Variants in KLHL42 observed in about 807,000 individuals in gnomAD.
KLHL42 encodes kelch like family member 42.
In KLHL42, 27 loss-of-function variants were observed where a neutral mutation model predicts 32.7. That is an observed-to-expected ratio of 0.83 (90% CI 0.61 to 1.14). KLHL42 has a LOEUF of 1.14. Among genes scored for constraint, KLHL42 ranks in the 50% most tolerant of loss-of-function variants. The pLI is 0.00. For synonymous variants in KLHL42, 267 were observed against 248.2 expected, an observed-to-expected ratio of 1.08 and a Z score of -0.71; for missense variants, 491 against 560.8, an observed-to-expected ratio of 0.88 and a Z score of 1.26.
chr12:27,783,246 G>A (rs560785570), intron 1 of KLHL42, among the ~76,000 whole-genome samples: 1 of 152,074 alleles, frequency 6.6e-6, no homozygotes, highest in South Asian at 2.1e-4. Context: ...TCATCTTGAC[G>A]CTGAGTAGGC....
At chr12:27,794,262 G>T (rs1422328764) in intron 2 of KLHL42, among the ~76,000 whole-genome samples, 1 of 152,148 alleles carries the variant, frequency 6.6e-6, no homozygotes, top group African/African-American at 2.4e-5. Context: ...GGGCTCTAGG[G>T]GAGGAGTCCT....
intron 1 of KLHL42, among the ~76,000 whole-genome samples, chr12:27,783,819 C>T (rs1315008975): frequency 6.6e-6 from 1 of 152,080 alleles, no homozygotes; most frequent in Admixed American, 6.5e-5. Context: ...CTCCTGACCT[C>T]GTGATCCGCC....
chr12:27,794,679 A>G (rs1009831375), intron 2 of KLHL42, among the ~76,000 whole-genome samples: 1 of 152,080 alleles, frequency 6.6e-6, no homozygotes, highest in African/African-American at 2.4e-5. Context: ...TTTGAATAAA[A>G]TCACCATTCA....
chr12:27,796,998 A>G (rs891885053), intron 2 of KLHL42, among the ~76,000 whole-genome samples: 3 of 152,232 alleles, frequency 2.0e-5, no homozygotes, highest in East Asian at 1.9e-4. Context: ...GATCTTATCT[A>G]CGCTACAACT....
Position 27,800,484 on chromosome 12 carries a change from T to C in KLHL42, c.*2318T>C. The C allele has an allele frequency of 1.8e-6, 1 of 554,422 alleles. No individual in the cohort carries two copies. Among genetic ancestry groups the C allele is most frequent in the Non-Finnish European group, 2.3e-6 (1 of 436,228 alleles). The allele number at this position is 554,422 out of a possible 1,614,324, so 34.3% of individuals were successfully genotyped here. On this transcript the variant is annotated 3_prime_UTR_variant, in exon 3 of 3. Coordinates refer to ENST00000381271, the MANE Select transcript of KLHL42 (RefSeq NM_020782.2). ...GGAATGTGCAATAGGAACAGATCTG[T>C]GCATTTTGTGACATCGTCCTTCCTG...
At position 27,780,234 on chromosome 12, in the gene KLHL42, T is replaced by A. The variant is rs2062138925; in HGVS notation, c.-97T>A. 8.3e-7 allele frequency: 1 copy of A among 1,198,354 alleles called. No individual in the cohort carries two copies. The highest frequency in any genetic ancestry group is 1.6e-5 in the African/African-American group (1 of 61,750). The allele number at this position is 1,198,354 out of a possible 1,614,324, so 74.2% of individuals were successfully genotyped here. A position where few individuals can be genotyped will look rare whatever the true frequency, so the allele number is the denominator to read the frequency against. On this transcript the variant is annotated 5_prime_UTR_variant, in exon 1 of 3. Transcript: ENST00000381271. This position sits in a 1 kb window ranked among gnomAD's most constrained non-coding sequence, Gnocchi z 8.8. Reference sequence around the variant, plus strand: ...CCTCGCCGCTCCTCCCGGGCCGCCATCCCTCGGCGCCCCGCCCGGAACCGG... The same window carrying A: ...CCTCGCCGCTCCTCCCGGGCCGCCAACCCTCGGCGCCCCGCCCGGAACCGG...
intron 1 of KLHL42, among the ~76,000 whole-genome samples, chr12:27,783,637 A>C (rs898404544): frequency 1.3e-5 from 2 of 152,000 alleles, no homozygotes; most frequent in African/African-American, 4.8e-5. Flanking sequence ...GCTGGAGTGC[A>C]GTGGCGGGAT....
At chr12:27,783,618 G>T (rs1480414151) in intron 1 of KLHL42, among the ~76,000 whole-genome samples, 1 of 151,904 alleles carries the variant, frequency 6.6e-6, no homozygotes. Flanking sequence ...GTCTCGCTCT[G>T]TCGCCCAGGC....
At chr12:27,792,721 C>T (rs2062202886) in intron 2 of KLHL42, among the ~76,000 whole-genome samples, 1 of 152,036 alleles carries the variant, frequency 6.6e-6, no homozygotes, top group African/African-American at 2.4e-5. Flanking sequence ...TGGGGTTTCA[C>T]CATGTTGGCC....
intron 1 of KLHL42, among the ~76,000 whole-genome samples, chr12:27,786,106 G>T (rs2062170695): frequency 1.3e-5 from 2 of 152,286 alleles, no homozygotes; most frequent in South Asian, 2.1e-4. Flanking sequence ...ATTGCTCAAG[G>T]ATGTGTAATA....
chr12:27,783,883 C>A (rs748872038), intron 1 of KLHL42, among the ~76,000 whole-genome samples: 1 of 152,090 alleles, frequency 6.6e-6, no homozygotes, highest in Non-Finnish European at 1.5e-5. Context: ...CGCGCCCGGC[C>A]TTACCTCACG....
At chr12:27,795,230 G>A (rs1348367067) in intron 2 of KLHL42, among the ~76,000 whole-genome samples, 1 of 152,254 alleles carries the variant, frequency 6.6e-6, no homozygotes, top group Non-Finnish European at 1.5e-5. Flanking sequence ...ACCAAGAGCT[G>A]TTCAACACTG....
intron 2 of KLHL42, among the ~76,000 whole-genome samples, chr12:27,794,916 A>G (rs1257346512): frequency 6.6e-6 from 1 of 151,982 alleles, no homozygotes; most frequent in Non-Finnish European, 1.5e-5. Context: ...ATAATTGAAA[A>G]AAAAAAAAAG....
In KLHL42 at chr12:27,780,818, A is replaced by T. The variant is rs202013500; in HGVS notation, c.488A>T (p.Lys163Met). ...GTCCACTTCCACGAGGTGCTGTGCA[A>T]GCCCCAGTTCCACCTCCTGGGGTCT... ...MVVHFHEVLC[K>M]PQFHLLGSPP... Residue 163 changes from lysine to methionine, a missense_variant, in exon 1 of 3, where the codon AAG becomes ATG. Physicochemically the swap from Lys to Met is moderately conservative, Grantham distance 95. Transcript: ENST00000381271. The surrounding 1 kb of genome is among the most constrained non-coding windows in gnomAD (Gnocchi z 8.8). The T allele has an allele frequency of 7.8e-5, 126 of 1,613,792 alleles. 1 individual carries two copies. The East Asian group carries it at 2.1e-3, about 27-fold the overall frequency.
intron 1 of KLHL42, among the ~76,000 whole-genome samples, chr12:27,784,767 A>G (rs1036585477): frequency 6.6e-6 from 1 of 152,224 alleles, no homozygotes; most frequent in Non-Finnish European, 1.5e-5. Flanking sequence ...ATAGAATATT[A>G]TCATCTTTTT....
Position 27,781,093 on chromosome 12 carries a change from C to G in KLHL42, c.763C>G (p.Leu255Val), listed in dbSNP as rs201456188. 1.9e-6 allele frequency: 3 copies of G among 1,614,190 alleles called. No individual in the cohort carries two copies. In the Admixed American group the frequency reaches 5.0e-5, roughly 27 times the overall value. Residue 255 changes from leucine (L) to valine (V), a missense_variant, in exon 1 of 3, where the codon CTC becomes GTC. Around this residue, in one of 4 missense-constraint regions of KLHL42, gnomAD observed 248 missense variants for 329.2 expected, o/e 0.75. Coordinates refer to ENST00000381271, the MANE Select transcript of KLHL42 (RefSeq NM_020782.2). Reference sequence around the variant, plus strand: ...TGGGTCTGCCATCCTGGACAACTACCTCTTCATAGTGGGCGGGTACAGGAT... The same window carrying G: ...TGGGTCTGCCATCCTGGACAACTACGTCTTCATAGTGGGCGGGTACAGGAT... ...GYGSAILDNY[L>V]FIVGGYRITS...
chr12:27,800,036 A>ATTTT lies in KLHL42; in HGVS notation c.*1871_*1874dup. On this transcript the variant is annotated 3_prime_UTR_variant, in exon 3 of 3. Coordinates refer to ENST00000381271, the MANE Select transcript of KLHL42 (RefSeq NM_020782.2). ...AGTGACCTGTAATTTCATTACATAT[A>ATTTT]TTTTAAAATCTATTTATTTTAGATG... 1 of 937,726 alleles carries ATTTT rather than the reference A, an allele frequency of 1.1e-6. No individual in the cohort carries two copies. The highest frequency in any genetic ancestry group is 1.3e-6 in the Non-Finnish European group (1 of 786,730). The allele number at this position is 937,726 out of a possible 1,614,324, so 58.1% of individuals were successfully genotyped here.
chr12:27,784,246 G>A (rs1440469333), intron 1 of KLHL42, among the ~76,000 whole-genome samples: 1 of 149,218 alleles, frequency 6.7e-6, no homozygotes, highest in African/African-American at 2.5e-5. Flanking sequence ...CCATTCTCCT[G>A]CCTCAGTTTC....
intron 1 of KLHL42, among the ~76,000 whole-genome samples, chr12:27,783,733 T>C (rs559895403): frequency 1.5e-3 from 229 of 152,080 alleles, no homozygotes; most frequent in Non-Finnish European, 2.6e-3. Flanking sequence ...AGGCGCCCGC[T>C]ACCACACCCG....
Sources: allele counts gnomAD v4.1 joint callset (sites outside exome capture counted in the v4.1 genomes callset), GRCh38; gene constraint gnomAD v4.1.1; regional missense constraint gnomAD v4.1.1; non-coding constraint Gnocchi (gnomAD v3.1); transcripts MANE v1.5; gene names NCBI Gene and HGNC (gene_info 2026-07-23, HGNC 2026-07-21).